Variants in RNF34 observed in about 807,000 individuals in gnomAD.
RNF34 encodes ring finger protein 34, also known as E3 ubiquitin-protein ligase RNF34.
In RNF34, 12 loss-of-function variants were observed where a neutral mutation model predicts 37.9. That is an observed-to-expected ratio of 0.32 (90% confidence interval 0.20 to 0.51). The LOEUF (loss-of-function observed/expected upper bound fraction) is 0.51, where lower values mean the gene tolerates loss of function less well. Among genes scored for constraint, RNF34 ranks in the 20% least tolerant of loss-of-function variants. The probability of loss-of-function intolerance (pLI) is 0.97; values close to 1 mark genes in which losing one functional copy is unlikely to be tolerated. For synonymous variants in RNF34, 155 were observed against 177.2 expected (o/e 0.87, Z 1.00); for missense variants, 362 against 472.7 (o/e 0.77, Z 2.17).
At chr12:121,400,246 C>G in intron 1 of RNF34, 28 bp downstream of exon 1, 1 of 1,606,090 alleles carries the variant, frequency 6.2e-7, no homozygotes, top group Non-Finnish European at 8.5e-7. Context: ...CCGGACAGAC[C>G]CTCCTCGCCA....
At position 121,417,662 on chromosome 12, in the gene RNF34, T is replaced by C; in HGVS notation, c.384T>C (p.Ile128=). ...LKVKDLRQYL[I]LRNIPIDTCR... is the part of the protein sequence containing the mutation. ...TGAAGGACCTGCGGCAGTATCTCATTCTGAGAAATATACCCATAGATACTT... is the reference window on the plus strand; with the variant it reads ...TGAAGGACCTGCGGCAGTATCTCATCCTGAGAAATATACCCATAGATACTT... Residue 128 remains isoleucine (I), a synonymous_variant, in exon 3 of 6, where the codon ATT becomes ATC. Coordinates refer to ENST00000361234, the MANE Select transcript of RNF34 (RefSeq NM_025126.4). The surrounding 1 kb of genome is among the most constrained non-coding windows in gnomAD (Gnocchi z 5.0). The C allele has an allele frequency of 6.2e-7, 1 of 1,614,212 alleles. No homozygotes were observed. The highest frequency in any genetic ancestry group is 1.1e-5 in the South Asian group (1 of 91,080).
chr12:121,401,327 T>C (rs1203586239), intron 1 of RNF34, among the ~76,000 whole-genome samples: 3 of 117,106 alleles, frequency 2.6e-5, no homozygotes, highest in African/African-American at 9.8e-5. Context: ...TAAGTAACCA[T>C]ATTACAAGGC....
In RNF34 at chr12:121,418,365, A is replaced by C. The variant is rs544791890; in HGVS notation, c.633+454A>C. On this transcript the variant is annotated intron_variant, in intron 3 of 5. Transcript: ENST00000361234. ...AGTTAATGAAAGAGCCATCTGAATT[A>C]GTGAAAAAATGTAGTTATTTACTAA... 322 of 159,430 alleles carry C rather than the reference A, an allele frequency of 2.0e-3. 1 individual carries two copies. The highest frequency in any genetic ancestry group is 3.3e-3 in the Admixed American group (54 of 16,568). The allele number at this position is 159,430 out of a possible 1,614,324, so 9.9% of individuals were successfully genotyped here. A position where few individuals can be genotyped will look rare whatever the true frequency, so the allele number is the denominator to read the frequency against.
chr12:121,421,371 T>TACAAAAAAAAAAA (rs35925457), intron 5 of RNF34, among the ~76,000 whole-genome samples: 4 of 46,364 alleles, frequency 8.6e-5, no homozygotes, highest in African/African-American at 2.7e-4. Flanking sequence ...ATCCCATCTC[T>TACAAAAAAAAAAA]AAAAAAAAAA....
intron 4 of RNF34, 94 bp from the exon 5 acceptor site, chr12:121,420,483 A>G: frequency 1.3e-6 from 2 of 1,574,904 alleles, no homozygotes; most frequent in Non-Finnish European, 1.7e-6. Flanking sequence ...GACTGCTGAG[A>G]TGGCTGGGAG....
chr12:121,416,957 G>A (rs906590229), intron 2 of RNF34, among the ~76,000 whole-genome samples: 1 of 152,194 alleles, frequency 6.6e-6, no homozygotes, highest in South Asian at 2.1e-4. Flanking sequence ...GAGCAGAAAC[G>A]ACCACATCTT....
Position 121,423,771 on chromosome 12 carries a change from C to T in RNF34, c.*195C>T, listed in dbSNP as rs1872366422. On this transcript the variant is annotated 3_prime_UTR_variant, in exon 6 of 6. Coordinates refer to ENST00000361234, the MANE Select transcript of RNF34 (RefSeq NM_025126.4). This position sits in a 1 kb window ranked among gnomAD's most constrained non-coding sequence, Gnocchi z 4.3. ...TGCCGTGAGCCTGTCTGCCTGTGGA[C>T]ACGTGAGCTTCCCGGGCTCAGCTGG... 1 of 559,086 alleles carries T rather than the reference C, an allele frequency of 1.8e-6. No individual in the cohort carries two copies. Among genetic ancestry groups the T allele is most frequent in the Non-Finnish European group, 3.1e-6 (1 of 318,574 alleles). The allele number at this position is 559,086 out of a possible 1,614,324, so 34.6% of individuals were successfully genotyped here.
intron 1 of RNF34, among the ~76,000 whole-genome samples, chr12:121,406,965 A>G (rs1555280750): frequency 1.3e-5 from 2 of 152,134 alleles, no homozygotes; most frequent in East Asian, 1.9e-4. Context: ...GACTTGTTAC[A>G]TGGGTATATT....
At chr12:121,400,301 C>T in intron 1 of RNF34, 83 bp downstream of exon 1, 2 of 1,506,140 alleles carry the variant, frequency 1.3e-6, no homozygotes, top group Non-Finnish European at 9.0e-7. Flanking sequence ...TTCTTTCCGC[C>T]TTAGCGGTTA....
At chr12:121,421,788 A>AGT (rs1872191618) in intron 5 of RNF34, among the ~76,000 whole-genome samples, 1 of 152,192 alleles carries the variant, frequency 6.6e-6, no homozygotes, top group African/African-American at 2.4e-5. Context: ...ACCATGCCTG[A>AGT]CCCTCAGTGG....
At chr12:121,415,267 G>C (rs1016628817) in intron 1 of RNF34, 2 of 317,154 alleles carry the variant, frequency 6.3e-6, no homozygotes, top group African/African-American at 4.3e-5. Flanking sequence ...ATTTACATAT[G>C]CTATAGTATA....
At chr12:121,414,507 A>AT (rs1871378464) in intron 1 of RNF34, among the ~76,000 whole-genome samples, 2 of 152,196 alleles carry the variant, frequency 1.3e-5, no homozygotes, top group East Asian at 3.8e-4. Flanking sequence ...AAAGAGAGGG[A>AT]AGAGACAAGG....
In RNF34 at chr12:121,412,230, C is replaced by CTT. The variant is rs560473770; in HGVS notation, c.7-3903_7-3902dup. Reference sequence around the variant, plus strand: ...GCACGTGCCACCATGCCCAACTAATCTTTTTTTTTTTTTTTTTTTTTTTTT... The same window carrying CTT: ...GCACGTGCCACCATGCCCAACTAATCTTTTTTTTTTTTTTTTTTTTTTTTTTT... On this transcript the variant is annotated intron_variant, in intron 1 of 5. Coordinates refer to ENST00000361234, the MANE Select transcript of RNF34 (RefSeq NM_025126.4). Among the ~76,000 whole-genome samples, 42 of 49,646 alleles carry CTT rather than the reference C, an allele frequency of 8.5e-4. 3 individuals are homozygous for CTT. Among genetic ancestry groups the CTT allele is most frequent in the South Asian group, 3.8e-3 (4 of 1,044 alleles). The allele number at this position is 49,646 out of a possible 152,430, so 32.6% of individuals were successfully genotyped here. A position where few individuals can be genotyped will look rare whatever the true frequency, so the allele number is the denominator to read the frequency against.
chr12:121,419,869 C>G (rs1871957228), intron 3 of RNF34: 1 of 171,332 alleles, frequency 5.8e-6, no homozygotes, highest in Non-Finnish European at 1.3e-5. Context: ...TAGCTTTTTT[C>G]TGTCTGCATC....
rs879974371 is a variant in RNF34 at position 121,420,710 on chromosome 12, G to T, written c.860G>T (p.Cys287Phe). The change falls in exon 5 of 6, where the codon TGT becomes TTT. Residue 287 changes from cysteine to phenylalanine, a missense_variant. Coordinates refer to ENST00000361234, the MANE Select transcript of RNF34 (RefSeq NM_025126.4). ...ARNFVNYSGC[C>F]EKWELVEKVN... is the part of the protein sequence containing the mutation. Reference sequence around the variant, plus strand: ...AATTTTGTCAACTATTCTGGCTGTTGTGAAAAATGGGAACTGGTAGAGAAA... The same window carrying T: ...AATTTTGTCAACTATTCTGGCTGTTTTGAAAAATGGGAACTGGTAGAGAAA... 3 of 1,614,028 alleles carry T rather than the reference G, an allele frequency of 1.9e-6. No individual in the cohort carries two copies. Among genetic ancestry groups the T allele is most frequent in the South Asian group, 1.1e-5 (1 of 91,094 alleles).
chr12:121,416,602 T>C (rs1239362682), intron 2 of RNF34: 3 of 465,544 alleles, frequency 6.4e-6, no homozygotes, highest in Admixed American at 3.8e-5. Context: ...CTCCTGAACT[T>C]TGACCTGTTT....
chr12:121,401,858 C>G (rs1250269322), intron 1 of RNF34, among the ~76,000 whole-genome samples: 2 of 152,194 alleles, frequency 1.3e-5, no homozygotes. Flanking sequence ...TACGTATTTT[C>G]AGAAGCAAAA....
chr12:121,413,401 T>C (rs1302525291), intron 1 of RNF34, among the ~76,000 whole-genome samples: 2 of 145,612 alleles, frequency 1.4e-5, no homozygotes, highest in African/African-American at 2.6e-5. Context: ...TGGACTGTTA[T>C]AATTTTACCT....
rs1362335068 is a variant in RNF34 at position 121,410,681 on chromosome 12, A to G, written c.7-5478A>G. On this transcript the variant is annotated intron_variant, in intron 1 of 5. Coordinates refer to ENST00000361234, the MANE Select transcript of RNF34 (RefSeq NM_025126.4). ...AATGCTCCTCTCAGAGATGATAACT[A>G]TAAGTGGATTTGCCCTTCAATATGA... Among the ~76,000 whole-genome samples, 4 of 152,262 alleles carry G rather than the reference A, an allele frequency of 2.6e-5. No individual in the cohort carries two copies. The South Asian group carries it at 6.2e-4, about 24-fold the overall frequency.
Sources: allele counts gnomAD v4.1 joint callset (sites outside exome capture counted in the v4.1 genomes callset), GRCh38; gene constraint gnomAD v4.1.1; non-coding constraint Gnocchi (gnomAD v3.1); transcripts MANE v1.5; gene names NCBI Gene and HGNC (gene_info 2026-07-23, HGNC 2026-07-21).